EVI5: variants seen among roughly 807,000 people sequenced by gnomAD.
EVI5 encodes ecotropic viral integration site 5, also known as ecotropic viral integration site 5 protein homolog.
EVI5 carries 73 observed loss-of-function variants against 112.0 expected under a neutral mutation model. The observed-to-expected ratio is 0.65, with a 90% CI of 0.54 to 0.79. The LOEUF is 0.79. EVI5 is among the 30% of genes least tolerant of loss of function. EVI5 has a pLI of 0.00. For synonymous variants in EVI5, 305 were observed against 319.9 expected (o/e 0.95, Z 0.50); for missense variants, 900 against 968.8 (o/e 0.93, Z 0.94).
intron 9 of EVI5, among the ~76,000 whole-genome samples, chr1:92,678,731 A>G (rs771811668): frequency 5.3e-5 from 8 of 152,118 alleles, no homozygotes; most frequent in Non-Finnish European, 8.8e-5. Context: ...AAAAAATATC[A>G]ATACCAAGGT....
chr1:92,627,445 C>A (rs1407977070), intron 14 of EVI5, among the ~76,000 whole-genome samples: 1 of 151,892 alleles, frequency 6.6e-6, no homozygotes, highest in Non-Finnish European at 1.5e-5. Context: ...GTTGGTTCCA[C>A]GATTTTGCAA....
chr1:92,604,028 C>T (rs1348513634), intron 18 of EVI5, among the ~76,000 whole-genome samples: 8 of 151,848 alleles, frequency 5.3e-5, no homozygotes, highest in Non-Finnish European at 1.5e-5. Context: ...AGTCATTACA[C>T]CTGATGAACA....
intron 19 of EVI5, among the ~76,000 whole-genome samples, chr1:92,551,454 A>T (rs1361033876): frequency 6.6e-6 from 1 of 152,158 alleles, no homozygotes; most frequent in East Asian, 1.9e-4. Flanking sequence ...GAATGAATGG[A>T]AAAAAATTTA....
intron 8 of EVI5, 57 bp downstream of exon 8, chr1:92,694,242 G>T: frequency 1.9e-6 from 2 of 1,045,566 alleles, no homozygotes; most frequent in South Asian, 1.4e-5. Flanking sequence ...TCCAGCCTGG[G>T]CAACAGAACT....
chr1:92,749,203 A>G (rs1679815263), intron 1 of EVI5: 1 of 316,902 alleles, frequency 3.2e-6, no homozygotes, highest in Non-Finnish European at 6.2e-6. Flanking sequence ...AGTAGAGGGC[A>G]CACTCTTGCA....
intron 13 of EVI5, among the ~76,000 whole-genome samples, chr1:92,644,085 A>G (rs1204751180): frequency 6.6e-6 from 1 of 152,206 alleles, no homozygotes; most frequent in Admixed American, 6.5e-5. Flanking sequence ...TATTTGGTAC[A>G]AAAATATTTC....
chr1:92,765,215 C>CA (rs1553270774), intron 1 of EVI5, among the ~76,000 whole-genome samples: 1 of 116,436 alleles, frequency 8.6e-6, no homozygotes, highest in African/African-American at 3.3e-5. Flanking sequence ...TTTTTCCTTC[C>CA]TTTTTTTTTT....
At chr1:92,526,834 T>G (rs1661960065) in intron 19 of EVI5, among the ~76,000 whole-genome samples, 2 of 152,204 alleles carry the variant, frequency 1.3e-5, no homozygotes, top group Admixed American at 1.3e-4. Flanking sequence ...TGAACCCTAA[T>G]GTAAACTATG....
chr1:92,767,964 C>T (rs1682881325), intron 1 of EVI5, among the ~76,000 whole-genome samples: 2 of 151,962 alleles, frequency 1.3e-5, no homozygotes, highest in Non-Finnish European at 2.9e-5. Flanking sequence ...CCTATAATCC[C>T]AGCTACTTGG....
chr1:92,524,613 C>T (rs1453837580), intron 19 of EVI5, among the ~76,000 whole-genome samples: 3 of 152,144 alleles, frequency 2.0e-5, no homozygotes, highest in Non-Finnish European at 4.4e-5. Context: ...CAATTTTAGA[C>T]ATCTCAACAA....
intron 18 of EVI5, among the ~76,000 whole-genome samples, chr1:92,593,965 G>A (rs1264987680): frequency 2.0e-5 from 3 of 152,190 alleles, no homozygotes; most frequent in Admixed American, 6.5e-5. Context: ...TGGGTAGGAA[G>A]AATCAATATC....
At chr1:92,583,012 T>C (rs1672194754) in intron 18 of EVI5, among the ~76,000 whole-genome samples, 1 of 152,118 alleles carries the variant, frequency 6.6e-6, no homozygotes, top group African/African-American at 2.4e-5. Context: ...TTAATATATA[T>C]AAATACAATA....
chr1:92,776,107 C>CA (rs1011239382), intron 1 of EVI5, among the ~76,000 whole-genome samples: 3,013 of 68,114 alleles, frequency 0.044, 118 homozygotes, highest in African/African-American at 0.13. Context: ...GACTCCATCT[C>CA]AAAAAAAAAA....
At chr1:92,571,643 G>A (rs1670343684) in intron 18 of EVI5, among the ~76,000 whole-genome samples, 1 of 151,992 alleles carries the variant, frequency 6.6e-6, no homozygotes. Context: ...TTCTAAGTGG[G>A]TATCAATTTA....
At chr1:92,769,254 AT>A (rs1683052991) in intron 1 of EVI5, among the ~76,000 whole-genome samples, 1 of 152,212 alleles carries the variant, frequency 6.6e-6, no homozygotes, top group Non-Finnish European at 1.5e-5. Context: ...GTACTCTGTA[AT>A]CTCACTCTCA....
chr1:92,690,074 C>T (rs752494178), intron 9 of EVI5, among the ~76,000 whole-genome samples: 1 of 151,952 alleles, frequency 6.6e-6, no homozygotes, highest in Admixed American at 6.6e-5. Context: ...GATGGGGTCT[C>T]GCTATGTTGC....
rs753235186 is a variant in EVI5, at chr1:92,694,290, T to G, written c.999+9A>C. ...AAAAAAAAAAAAAGAAAATAAATTA[T>G]GAACTTACCTGTAACATCCCTTCCA... On this transcript the variant is annotated intron_variant, in intron 8 of 19. Coordinates refer to ENST00000684568, the MANE Select transcript of EVI5 (RefSeq NM_001350197.2). 1.3e-6 allele frequency: 2 copies of G among 1,492,992 alleles called. No individual in the cohort carries two copies. Among genetic ancestry groups the G allele is most frequent in the Admixed American group, 3.8e-5 (2 of 52,354 alleles). The allele number at this position is 1,492,992 out of a possible 1,614,324, so 92.5% of individuals were successfully genotyped here. A position where few individuals can be genotyped will look rare whatever the true frequency, so the allele number is the denominator to read the frequency against.
At chr1:92,625,480 A>G (rs1655469317) in intron 15 of EVI5, among the ~76,000 whole-genome samples, 1 of 152,222 alleles carries the variant, frequency 6.6e-6, no homozygotes. Context: ...ACTTAATATC[A>G]AAGTTTAAGA....
intron 13 of EVI5, among the ~76,000 whole-genome samples, chr1:92,657,944 G>A (rs1014143817): frequency 3.3e-5 from 5 of 152,130 alleles, no homozygotes; most frequent in Non-Finnish European, 7.4e-5. Context: ...TCACTCACAT[G>A]AGGACAGCAC....
Sources: gnomAD v4.1 joint callset for allele counts (sites outside exome capture counted in the v4.1 genomes callset) on GRCh38, gnomAD v4.1.1 for gene constraint, MANE v1.5 for transcripts, NCBI Gene and HGNC (gene_info 2026-07-23, HGNC 2026-07-21) for gene names.